The following LMF1 variants were observed in gnomAD, a reference collection of about 807,000 sequenced individuals.
LMF1 encodes the protein lipase maturation factor 1.
In LMF1, 68 loss-of-function variants were observed where a neutral mutation model predicts 60.6. That is an observed-to-expected ratio of 1.12 (90% CI 0.92 to 1.37). The LOEUF (loss-of-function observed/expected upper bound fraction) is 1.37. LMF1 is among the 40% of genes most tolerant of loss of function. The probability of loss-of-function intolerance (pLI) is 0.00; values close to 1 mark genes in which losing one functional copy is unlikely to be tolerated. For missense variants in LMF1, 948 were observed against 767.2 expected, an observed-to-expected ratio of 1.24 and a Z score of -2.78; for synonymous variants, 418 against 324.7, an observed-to-expected ratio of 1.29 and a Z score of -3.09.
chr16:959,541 G>C (rs1433478084), intron 1 of LMF1, among the ~76,000 whole-genome samples: 1 of 152,166 alleles, frequency 6.6e-6, no homozygotes, highest in East Asian at 1.9e-4. Context: ...GGGAAGACCC[G>C]ACCAGGAGGT....
rs998328959 is a variant in LMF1 at position 897,081 on chromosome 16, C to T, written c.664-4009G>A. Among the ~76,000 whole-genome samples the T allele has an allele frequency of 7.9e-5, 12 of 152,224 alleles. No homozygotes were observed. Among genetic ancestry groups the T allele is most frequent in the South Asian group, 2.1e-4 (1 of 4,832 alleles). On this transcript the variant is annotated intron_variant, in intron 4 of 10. Transcript: ENST00000262301. This position sits in a 1 kb window ranked among gnomAD's most constrained non-coding sequence, Gnocchi z 4.3. Reference sequence around the variant, plus strand: ...ACCCACACTGCCCGTGCCACCCTCCCGCTCTGCTCGGAATGCCAGAACTTT... The same window carrying T: ...ACCCACACTGCCCGTGCCACCCTCCTGCTCTGCTCGGAATGCCAGAACTTT...
chr16:877,500 C>T (rs1056344957), intron 6 of LMF1, among the ~76,000 whole-genome samples: 38 of 152,200 alleles, frequency 2.5e-4, no homozygotes, highest in African/African-American at 8.9e-4. Flanking sequence ...TGTGAACTTG[C>T]TTCAGCATCC....
chr16:936,457 G>C lies in LMF1; in HGVS notation c.504-2203C>G, dbSNP rs1189828685. ...GAGGAAGGAGGCTGGGAGGGAGGGA[G>C]GGCACCCCGTGGGCTGAGGAAGGTG... On this transcript the variant is annotated intron_variant, in intron 2 of 10. Coordinates refer to ENST00000262301, the MANE Select transcript of LMF1 (RefSeq NM_022773.4). Among the ~76,000 whole-genome samples, 56 of 141,080 alleles carry C rather than the reference G, an allele frequency of 4.0e-4. 2 individuals are homozygous for C. Among genetic ancestry groups the C allele is most frequent in the Admixed American group, 1.5e-3 (22 of 14,334 alleles). The allele number at this position is 141,080 out of a possible 152,430, so 92.6% of individuals were successfully genotyped here.
At chr16:911,115 G>C in intron 3 of LMF1, 36 bp from the exon 4 acceptor site, 1 of 1,596,356 alleles carries the variant, frequency 6.3e-7, no homozygotes, top group Non-Finnish European at 8.5e-7. Flanking sequence ...TGAGTTAATG[G>C]AAGCCACACA....
At chr16:898,693 A>G (rs2070728662) in intron 4 of LMF1, among the ~76,000 whole-genome samples, 1 of 152,210 alleles carries the variant, frequency 6.6e-6, no homozygotes, top group Non-Finnish European at 1.5e-5. Flanking sequence ...TTCATCTCCG[A>G]AGCACAGGTC....
intron 5 of LMF1, among the ~76,000 whole-genome samples, chr16:882,578 G>A (rs1454215904): frequency 2.6e-5 from 4 of 152,236 alleles, no homozygotes; most frequent in African/African-American, 9.7e-5. Flanking sequence ...ACGTGCAGCA[G>A]AAGAGCCACC....
intron 5 of LMF1, among the ~76,000 whole-genome samples, chr16:888,299 T>G (rs962453175): frequency 6.6e-6 from 1 of 152,180 alleles, no homozygotes; most frequent in South Asian, 2.1e-4. Flanking sequence ...AGGAGCGCCG[T>G]GGGACTGAAT....
At position 874,580 on chromosome 16, in the gene LMF1, C is replaced by T. The variant is rs1206400051; in HGVS notation, c.898-3239G>A. ...GGCAGGCAGCGGCCCCAGGGCCCCG[C>T]GGAACCCTCCGGAACAGCTGTGTAA... On this transcript the variant is annotated intron_variant, in intron 6 of 10. Coordinates refer to ENST00000262301, the MANE Select transcript of LMF1 (RefSeq NM_022773.4). The surrounding 1 kb of genome is among the most constrained non-coding windows in gnomAD (Gnocchi z 4.1). Among the ~76,000 whole-genome samples the T allele has an allele frequency of 2.6e-5, 4 of 152,126 alleles. No individual in the cohort carries two copies. The South Asian group carries it at 6.2e-4, about 24-fold the overall frequency.
At chr16:885,205 A>G (rs1328198333) in intron 5 of LMF1, 1 of 152,272 alleles carries the variant, frequency 6.6e-6, no homozygotes, top group African/African-American at 2.4e-5. Flanking sequence ...GGCATATACT[A>G]TAAACCCTAA....
At chr16:906,528 G>A (rs544116988) in intron 4 of LMF1, among the ~76,000 whole-genome samples, 1 of 152,150 alleles carries the variant, frequency 6.6e-6, no homozygotes, top group Non-Finnish European at 1.5e-5. Flanking sequence ...AGGTTCTTCC[G>A]TTCTGAGACT....
intron 1 of LMF1, among the ~76,000 whole-genome samples, chr16:955,988 CT>C (rs2072692428): frequency 2.9e-4 from 44 of 150,416 alleles, no homozygotes; most frequent in South Asian, 4.2e-4. Context: ...GAGTTCACGT[CT>C]CACGGCGCCC....
chr16:886,075 C>A (rs746100804), intron 5 of LMF1, among the ~76,000 whole-genome samples: 5 of 152,220 alleles, frequency 3.3e-5, no homozygotes, highest in African/African-American at 1.2e-4. Context: ...CTCTTTGGAG[C>A]CTTTAAGGAA....
intron 10 of LMF1, among the ~76,000 whole-genome samples, chr16:865,758 C>T (rs111905935): frequency 2.0e-5 from 3 of 152,182 alleles, no homozygotes; most frequent in Admixed American, 2.0e-4. Flanking sequence ...TGTCTTCCTC[C>T]TAGGACTCTG....
At chr16:926,299 CTG>C (rs747301800) in intron 3 of LMF1, among the ~76,000 whole-genome samples, 43 of 151,616 alleles carry the variant, frequency 2.8e-4, no homozygotes, top group Middle Eastern at 3.4e-3. Context: ...GCATACGTGT[CTG>C]TGTGCATGTA....
intron 10 of LMF1, among the ~76,000 whole-genome samples, chr16:858,998 A>T (rs1251629389): frequency 7.5e-5 from 5 of 66,484 alleles, no homozygotes; most frequent in South Asian, 6.4e-4. Context: ...CAGTGGTGTC[A>T]CGGGACGCGT....
At chr16:945,808 T>C (rs1333430119) in intron 2 of LMF1, among the ~76,000 whole-genome samples, 1 of 152,128 alleles carries the variant, frequency 6.6e-6, no homozygotes, top group Non-Finnish European at 1.5e-5. Flanking sequence ...CACTCACCTC[T>C]AGGAAATGAA....
chr16:907,269 C>G (rs572084669), intron 4 of LMF1, among the ~76,000 whole-genome samples: 39 of 152,152 alleles, frequency 2.6e-4, no homozygotes, highest in Non-Finnish European at 4.4e-4. Flanking sequence ...GGCGTGATGG[C>G]AGGTTCCTGT....
At chr16:871,455 C>A (rs2069791445) in intron 6 of LMF1, 114 bp from the exon 7 acceptor site, 1 of 1,053,588 alleles carries the variant, frequency 9.5e-7, no homozygotes, top group Non-Finnish European at 1.4e-6. Context: ...CCAGCTCTGC[C>A]CTTGCTGTCC....
intron 5 of LMF1, among the ~76,000 whole-genome samples, chr16:882,987 C>T (rs2070207483): frequency 2.3e-5 from 3 of 130,978 alleles, no homozygotes; most frequent in Non-Finnish European, 4.7e-5. Flanking sequence ...AGAAGAGCTG[C>T]CCGGCAGAGC....
Sources: gnomAD v4.1 joint callset for allele counts (sites outside exome capture counted in the v4.1 genomes callset) on GRCh38, gnomAD v4.1.1 for gene constraint, Gnocchi (gnomAD v3.1) non-coding constraint, MANE v1.5 for transcripts, NCBI Gene and HGNC (gene_info 2026-07-23, HGNC 2026-07-21) for gene names.